The following UNC93A variants were observed in gnomAD, a reference collection of about 807,000 sequenced individuals.
UNC93A encodes N-acetylglucosamine transporter UNC93A.
A neutral mutation model predicts 47.5 loss-of-function variants in UNC93A; 43 were observed. The ratio of observed to expected loss-of-function variants is 0.91; its 90% CI spans 0.71 to 1.17. UNC93A has a LOEUF of 1.17. UNC93A is among the 50% of genes most tolerant of loss of function. The pLI is 0.00. For synonymous variants in UNC93A, 280 were observed against 258.0 expected (o/e 1.09, Z -0.82); for missense variants, 605 against 577.6 (o/e 1.05, Z -0.49).
At chr6:167,301,354 T>C (rs1309124605) in intron 4 of UNC93A, among the ~76,000 whole-genome samples, 1 of 152,216 alleles carries the variant, frequency 6.6e-6, no homozygotes, top group African/African-American at 2.4e-5. Context: ...GGTCTTACTA[T>C]TGTGATTGTA....
At chr6:167,310,703 A>C (rs1231635748) in intron 7 of UNC93A, among the ~76,000 whole-genome samples, 1 of 152,190 alleles carries the variant, frequency 6.6e-6, no homozygotes, top group African/African-American at 2.4e-5. Context: ...CAACATGGTA[A>C]AACCTCATCT....
Position 167,306,067 on chromosome 6 carries a change from G to A in UNC93A, c.976+17G>A, listed in dbSNP as rs750042448. ...ACGTGCTGGGTAGGTATCAGCGTGG[G>A]TCCCATCCCAGCTGTCATAACGATT... On this transcript the variant is annotated intron_variant, in intron 6 of 7. Coordinates refer to ENST00000230256, the MANE Select transcript of UNC93A (RefSeq NM_018974.4). 3 of 1,613,482 alleles carry A rather than the reference G, an allele frequency of 1.9e-6. No individual in the cohort carries two copies. The highest frequency in any genetic ancestry group is 2.5e-6 in the Non-Finnish European group (3 of 1,179,640).
intron 3 of UNC93A, among the ~76,000 whole-genome samples, chr6:167,297,091 G>C (rs3857518): frequency 0.086 from 13,025 of 152,266 alleles, 724 homozygotes; most frequent in South Asian, 0.16. Flanking sequence ...CATTATTGCT[G>C]TTGGTGTCAG....
chr6:167,306,020 T>C lies in UNC93A; in HGVS notation c.946T>C (p.Tyr316His). 1 of 1,614,206 alleles carries C rather than the reference T, an allele frequency of 6.2e-7. No homozygotes were observed. Among genetic ancestry groups the C allele is most frequent in the East Asian group, 2.2e-5 (1 of 44,882 alleles). Residue 316 changes from tyrosine (Y) to histidine (H), a missense_variant, in exon 6 of 8, where the codon TAC becomes CAC. By Grantham distance (83) the Tyr-to-His change is moderately conservative (BLOSUM62 2). Coordinates refer to ENST00000230256, the MANE Select transcript of UNC93A (RefSeq NM_018974.4). Reference protein sequence around the residue: ...CSVLYGKVSQYTGRAVLYVLG... With the variant: ...CSVLYGKVSQHTGRAVLYVLG... ...CGTGTTGTATGGAAAGGTCTCGCAG[T>C]ACACGGGCAGGGCTGTGCTGTACGT...
At chr6:167,299,159 T>C (rs1352225181) in intron 4 of UNC93A, among the ~76,000 whole-genome samples, 1 of 149,306 alleles carries the variant, frequency 6.7e-6, no homozygotes, top group Non-Finnish European at 1.5e-5. Flanking sequence ...CACATATTTA[T>C]ATATGCATGT....
At chr6:167,275,135 A>T (rs1406410255) in intron 1 of UNC93A, among the ~76,000 whole-genome samples, 1 of 152,144 alleles carries the variant, frequency 6.6e-6, no homozygotes, top group Non-Finnish European at 1.5e-5. Context: ...AGTTGCATGC[A>T]GGAGACTTGG....
In UNC93A at chr6:167,296,098, C is replaced by T. The variant is rs1369959911; in HGVS notation, c.336C>T (p.Cys112=). 3 of 1,614,228 alleles carry T rather than the reference C, an allele frequency of 1.9e-6. No individual in the cohort carries two copies. The East Asian group carries it at 6.7e-5, about 36-fold the overall frequency. Residue 112 remains cysteine, a synonymous_variant, in exon 3 of 8, where the codon TGC becomes TGT. Transcript: ENST00000230256. ...CCGCCCCGCTGTGGTCTGCACAGTG[C>T]ACATACCTCACGATCACGGGAAACA... is the stretch of plus-strand genomic sequence containing the variant. ...LGAAPLWSAQ[C]TYLTITGNTH...
intron 1 of UNC93A, among the ~76,000 whole-genome samples, chr6:167,277,156 C>G (rs61180048): frequency 6.6e-6 from 1 of 152,212 alleles, no homozygotes; most frequent in Non-Finnish European, 1.5e-5. Context: ...TAGCAGCTTG[C>G]ACCTTGTTGA....
Position 167,307,305 on chromosome 6 carries a change from G to A in UNC93A, c.977-474G>A, listed in dbSNP as rs577086515. On this transcript the variant is annotated intron_variant, in intron 6 of 7. Transcript: ENST00000230256. ...AGCATTGATTTAGAGCTAGCAGCAC[G>A]CATACACATCAGCTCACAAATTAAA... is the stretch of plus-strand genomic sequence containing the variant. Among the ~76,000 whole-genome samples, 21 of 152,318 alleles carry A rather than the reference G, an allele frequency of 1.4e-4. 1 individual carries two copies. The South Asian group carries it at 2.9e-3, about 21-fold the overall frequency.
upstream of UNC93A, among the ~76,000 whole-genome samples, chr6:167,289,466 ACG>A (rs1274950173): frequency 2.6e-5 from 4 of 152,208 alleles, no homozygotes; most frequent in Non-Finnish European, 1.5e-5. Context: ...GAAAAAGCAG[ACG>A]TAACTGAAGC....
exon 1 of UNC93A, chr6:167,271,294 A>C (rs1032995201): frequency 2.0e-5 from 3 of 152,258 alleles, no homozygotes; most frequent in Non-Finnish European, 4.4e-5. Context: ...AGCTGTGCAG[A>C]GTTTAGCAAG....
chr6:167,314,173 C>A (rs1319140013), intron 7 of UNC93A, among the ~76,000 whole-genome samples: 5 of 152,144 alleles, frequency 3.3e-5, no homozygotes, highest in Admixed American at 3.3e-4. Flanking sequence ...TTGTCTCCAG[C>A]ACTAAGGGAG....
At chr6:167,278,225 C>T (rs538263634) in intron 1 of UNC93A, among the ~76,000 whole-genome samples, 143 of 152,260 alleles carry the variant, frequency 9.4e-4, no homozygotes, top group African/African-American at 3.3e-3. Flanking sequence ...TGAGTGAGGG[C>T]GGGAAGCAAG....
At chr6:167,287,035 A>G (rs1783748468), upstream of UNC93A, among the ~76,000 whole-genome samples, 1 of 150,610 alleles carries the variant, frequency 6.6e-6, no homozygotes, top group South Asian at 2.1e-4. Context: ...TCTGCCCCTC[A>G]TCCAGGCTTA....
chr6:167,279,134 G>A (rs999422009), intron 1 of UNC93A, among the ~76,000 whole-genome samples: 2 of 152,190 alleles, frequency 1.3e-5, no homozygotes, highest in African/African-American at 4.8e-5. Flanking sequence ...TATTAGATGT[G>A]TTAAAAAGAA....
intron 1 of UNC93A, among the ~76,000 whole-genome samples, chr6:167,279,086 C>A (rs1393571744): frequency 6.6e-6 from 1 of 152,204 alleles, no homozygotes; most frequent in African/African-American, 2.4e-5. Context: ...TAGTCCTTTT[C>A]CTGCAGAGTG....
rs574350111 is a variant in UNC93A at position 167,284,808 on chromosome 6, G to A, written c.-51-6631G>A. ...TGGGACTCTGAGGGCGGTCGCCACA[G>A]GTGGGTGCGTTGCCAAATCGTGGCT... On this transcript the variant is annotated intron_variant, in intron 1 of 3. Transcript: ENST00000503433. Among the ~76,000 whole-genome samples, 55 of 151,124 alleles carry A rather than the reference G, an allele frequency of 3.6e-4. No individual in the cohort carries two copies. In the South Asian group the frequency reaches 0.011, roughly 31 times the overall value.
At chr6:167,284,480 G>C (rs1783687398) in intron 1 of UNC93A, among the ~76,000 whole-genome samples, 1 of 152,276 alleles carries the variant, frequency 6.6e-6, no homozygotes, top group Non-Finnish European at 1.5e-5. Context: ...GGAGGGATGG[G>C]GGACAGAGGA....
chr6:167,269,815 C>G (rs1562336458), upstream of UNC93A, among the ~76,000 whole-genome samples: 1 of 152,002 alleles, frequency 6.6e-6, no homozygotes, highest in Non-Finnish European at 1.5e-5. Context: ...CAGGGTTTCA[C>G]CGTGTTGGCC....
Sources: gnomAD v4.1 joint callset for allele counts (sites outside exome capture counted in the v4.1 genomes callset) on GRCh38, gnomAD v4.1.1 for gene constraint, MANE v1.5 for transcripts, NCBI Gene and HGNC (gene_info 2026-07-23, HGNC 2026-07-21) for gene names.